Variants in PDE10A observed in about 807,000 individuals in gnomAD.
PDE10A encodes cAMP and cAMP-inhibited cGMP 3',5'-cyclic phosphodiesterase 10A.
A neutral mutation model predicts 97.7 loss-of-function variants in PDE10A; 39 were observed. The ratio of observed to expected loss-of-function variants is 0.40; its 90% CI spans 0.31 to 0.52. The LOEUF is 0.52. Ranked by LOEUF, PDE10A falls within the 20% of genes least tolerant of loss-of-function variation. The pLI, the probability that PDE10A is intolerant of heterozygous loss-of-function variation, is 0.56. For synonymous variants in PDE10A, 371 were observed against 376.8 expected (o/e 0.98, Z 0.18); for missense variants, 731 against 1,047.8 (o/e 0.70, Z 4.17).
Position 165,339,279 on chromosome 6 carries a change from T to C in PDE10A, c.2975A>G (p.Gln992Arg). Residue 992 changes from glutamine to arginine, a missense_variant and splice_region_variant, in exon 20 of 22, where the codon CAG becomes CGG. Transcript: ENST00000539869. ...RDKKDEVPQG[Q>R]LGFYNAVAIP... The stretch of plus-strand genomic sequence containing the variant: ...ACAATTTACTTTAATAATTCATACC[T>C]GGCCTTGGGGGACTTCATCCTTCTT... The C allele has an allele frequency of 1.3e-6, 2 of 1,573,490 alleles. No homozygotes were observed. Among genetic ancestry groups the C allele is most frequent in the Non-Finnish European group, 1.7e-6 (2 of 1,143,452 alleles).
At chr6:165,605,276 CAAAA>C (rs201896841) in intron 1 of PDE10A, among the ~76,000 whole-genome samples, 1 of 151,816 alleles carries the variant, frequency 6.6e-6, no homozygotes, top group Non-Finnish European at 1.5e-5. Context: ...AACAAACAAA[CAAAA>C]AAAACCAACA....
At chr6:165,370,094 A>T (rs532229761) in intron 18 of PDE10A, among the ~76,000 whole-genome samples, 12 of 152,330 alleles carry the variant, frequency 7.9e-5, no homozygotes, top group African/African-American at 2.6e-4. Flanking sequence ...AAACATGGAA[A>T]GGAACAACCG....
At chr6:165,980,855 G>A (rs1035626859) in intron 1 of PDE10A, among the ~76,000 whole-genome samples, 2 of 152,178 alleles carry the variant, frequency 1.3e-5, no homozygotes, top group African/African-American at 2.4e-5. Context: ...GAAAGGGAAA[G>A]TCAAAGAGCT....
chr6:165,396,231 T>C (rs1207070520), intron 14 of PDE10A, 86 bp downstream of exon 14: 2 of 1,253,494 alleles, frequency 1.6e-6, no homozygotes, highest in Non-Finnish European at 2.3e-6. Context: ...ATAATAATTG[T>C]GACTCTAATT....
At chr6:165,722,278 C>A (rs1792184922) in intron 1 of PDE10A, among the ~76,000 whole-genome samples, 1 of 152,212 alleles carries the variant, frequency 6.6e-6, no homozygotes, top group African/African-American at 2.4e-5. Flanking sequence ...CCTCCTTTCA[C>A]CCAGCACTGC....
Position 165,682,941 on chromosome 6 carries a change from C to T in PDE10A, c.-614-139373G>A, listed in dbSNP as rs868145352. ...TGCCCCCACAGACACCTAAACTTCTCTCCATCATGTCATTCAACTTGTGTT... is the reference window on the plus strand; with the variant it reads ...TGCCCCCACAGACACCTAAACTTCTTTCCATCATGTCATTCAACTTGTGTT... On this transcript the variant is annotated intron_variant, in intron 1 of 19. Coordinates refer to the PDE10A transcript ENST00000366882. Among the ~76,000 whole-genome samples the T allele has an allele frequency of 5.3e-5, 8 of 152,312 alleles. No individual in the cohort carries two copies. The Middle Eastern group carries it at 0.017, about 324-fold the overall frequency.
intron 1 of PDE10A, among the ~76,000 whole-genome samples, chr6:165,567,162 CA>C (rs1319466123): frequency 6.6e-6 from 1 of 152,080 alleles, no homozygotes; most frequent in Non-Finnish European, 1.5e-5. Context: ...GTGAAGTACA[CA>C]AACATAATGT....
At chr6:165,552,513 GC>G (rs1784067485) in intron 1 of PDE10A, among the ~76,000 whole-genome samples, 1 of 152,212 alleles carries the variant, frequency 6.6e-6, no homozygotes, top group Admixed American at 6.5e-5. Context: ...AACATGCCAG[GC>G]AGAGGGTGTG....
chr6:165,543,406 G>T, intron 2 of PDE10A, 34 bp downstream of exon 2: 1 of 1,583,944 alleles, frequency 6.3e-7, no homozygotes, highest in African/African-American at 1.4e-5. Flanking sequence ...GATAGAAAAA[G>T]CTGGTTTAAA....
rs115206435 is a variant in PDE10A at position 165,953,937 on chromosome 6, C to A, written c.-615+33592G>T. Among the ~76,000 whole-genome samples the A allele has an allele frequency of 2.6e-5, 4 of 152,310 alleles. No homozygotes were observed. In the South Asian group the frequency reaches 8.3e-4, roughly 32 times the overall value. The stretch of plus-strand genomic sequence containing the variant: ...CTCTTCATCTCTCCATCCTCCCGAG[C>A]CCCGGCAACCACTGATCTTTTTAAT... On this transcript the variant is annotated intron_variant, in intron 1 of 19. Transcript: ENST00000366882.
chr6:165,793,952 A>G (rs1419444300), intron 1 of PDE10A, among the ~76,000 whole-genome samples: 1 of 152,170 alleles, frequency 6.6e-6, no homozygotes, highest in Non-Finnish European at 1.5e-5. Context: ...TAAAATAGGT[A>G]TTATGTTTCT....
chr6:165,917,713 T>C (rs1782645604), intron 1 of PDE10A, among the ~76,000 whole-genome samples: 1 of 152,090 alleles, frequency 6.6e-6, no homozygotes, highest in South Asian at 2.1e-4. Flanking sequence ...AAGTGATGAG[T>C]CCGGACCCGG....
chr6:165,811,357 A>C (rs1031226197), intron 1 of PDE10A, among the ~76,000 whole-genome samples: 2 of 152,240 alleles, frequency 1.3e-5, no homozygotes, highest in Non-Finnish European at 2.9e-5. Flanking sequence ...TTTCTTCATC[A>C]GTCCTCATGC....
chr6:165,744,246 A>G (rs773919502), intron 1 of PDE10A, among the ~76,000 whole-genome samples: 3 of 152,258 alleles, frequency 2.0e-5, no homozygotes, highest in Non-Finnish European at 2.9e-5. Flanking sequence ...AGCCAACAGC[A>G]TAAAACAGAT....
intron 1 of PDE10A, among the ~76,000 whole-genome samples, chr6:165,791,821 A>G (rs1778662187): frequency 6.6e-6 from 1 of 152,202 alleles, no homozygotes; most frequent in African/African-American, 2.4e-5. Context: ...TTGTAGGGAC[A>G]GCGTGAGAAG....
chr6:165,530,389 A>T (rs1158576086), intron 2 of PDE10A, among the ~76,000 whole-genome samples: 1 of 152,084 alleles, frequency 6.6e-6, no homozygotes, highest in African/African-American at 2.4e-5. Context: ...TATGCATCCA[A>T]AAAAGGTCTA....
intron 17 of PDE10A, among the ~76,000 whole-genome samples, chr6:165,379,740 T>C (rs932876810): frequency 6.6e-6 from 1 of 152,334 alleles, no homozygotes; most frequent in South Asian, 2.1e-4. Context: ...AATTAAAAAC[T>C]TCAGTAATTT....
intron 3 of PDE10A, among the ~76,000 whole-genome samples, chr6:165,473,233 G>C (rs551840656): frequency 6.6e-6 from 1 of 152,152 alleles, no homozygotes; most frequent in Non-Finnish European, 1.5e-5. Context: ...TTATTACCAA[G>C]TAAATATATG....
chr6:165,742,337 T>C (rs1418292462), intron 1 of PDE10A, among the ~76,000 whole-genome samples: 1 of 152,170 alleles, frequency 6.6e-6, no homozygotes, highest in East Asian at 1.9e-4. Flanking sequence ...CCTTTGCATA[T>C]GTCATGTTTC....
Sources: gnomAD v4.1 joint callset for allele counts (sites outside exome capture counted in the v4.1 genomes callset) on GRCh38, gnomAD v4.1.1 for gene constraint, MANE v1.5 for transcripts, NCBI Gene and HGNC (gene_info 2026-07-23, HGNC 2026-07-21) for gene names.